ZBTB41: variants seen among roughly 807,000 people sequenced by gnomAD.
The protein encoded by ZBTB41 is zinc finger and BTB domain containing 41, also known as zinc finger and BTB domain-containing protein 41.
A neutral mutation model predicts 87.6 loss-of-function variants in ZBTB41; 42 were observed. That is an observed-to-expected ratio of 0.48 (90% CI 0.37 to 0.62). The LOEUF (loss-of-function observed/expected upper bound fraction) is 0.62, where lower values mean the gene tolerates loss of function less well. Among genes scored for constraint, ZBTB41 ranks in the 20% least tolerant of loss-of-function variants. The pLI, the probability that ZBTB41 is intolerant of heterozygous loss-of-function variation, is 0.00. For synonymous variants in ZBTB41, 364 were observed against 364.0 expected (o/e 1.00, Z 0.00); for missense variants, 799 against 1,078.9 (o/e 0.74, Z 3.63).
At chr1:197,171,818 G>C (rs186699857) in intron 10 of ZBTB41, among the ~76,000 whole-genome samples, 77 of 151,946 alleles carry the variant, frequency 5.1e-4, no homozygotes, top group Admixed American at 4.1e-3. Flanking sequence ...TAATCTGAAG[G>C]CTTAAGAAAA....
chr1:197,178,346 T>C, intron 7 of ZBTB41, 71 bp downstream of exon 7: 2 of 1,096,628 alleles, frequency 1.8e-6, no homozygotes, highest in Non-Finnish European at 2.6e-6. Flanking sequence ...AACAAAGTAA[T>C]AAGAAAATAG....
chr1:197,194,209 G>T (rs968152193), intron 2 of ZBTB41, among the ~76,000 whole-genome samples: 1 of 151,982 alleles, frequency 6.6e-6, no homozygotes, highest in African/African-American at 2.4e-5. Flanking sequence ...AGTAGACACG[G>T]GTTTCATCAT....
chr1:197,175,349 C>A (rs540724701), intron 8 of ZBTB41, among the ~76,000 whole-genome samples: 10 of 146,524 alleles, frequency 6.8e-5, no homozygotes, highest in Non-Finnish European at 1.5e-4. Context: ...GAATCAATAG[C>A]CTTTTGTTGA....
intron 6 of ZBTB41, 135 bp from the exon 7 acceptor site, chr1:197,178,647 G>C (rs961450947): frequency 5.3e-6 from 3 of 567,740 alleles, no homozygotes; most frequent in African/African-American, 3.9e-5. Context: ...CAATAATTTT[G>C]TTCTTTTCTA....
At position 197,191,675 on chromosome 1, in the gene ZBTB41, A is replaced by G; in HGVS notation, c.1328+17T>C. ...AAGGCACAATAAAGTATATTATGGAAGCAAGATAATACTTGCCTCTTAACA... is the reference window on the plus strand; with the variant it reads ...AAGGCACAATAAAGTATATTATGGAGGCAAGATAATACTTGCCTCTTAACA... On this transcript the variant is annotated intron_variant, in intron 3 of 10. Coordinates refer to ENST00000367405, the MANE Select transcript of ZBTB41 (RefSeq NM_194314.3). 1 of 1,596,100 alleles carries G rather than the reference A, an allele frequency of 6.3e-7. No individual in the cohort carries two copies. Among genetic ancestry groups the G allele is most frequent in the Non-Finnish European group, 8.5e-7 (1 of 1,169,604 alleles).
chr1:197,156,217 A>T lies in ZBTB41; in HGVS notation c.*3142T>A, dbSNP rs913525808. ...TCAAACTAACAACTTTTTTTTTTTAAAAAAATCCATTATTCTAGGACTTCA... is the reference window on the plus strand; with the variant it reads ...TCAAACTAACAACTTTTTTTTTTTATAAAAATCCATTATTCTAGGACTTCA... On this transcript the variant is annotated 3_prime_UTR_variant, in exon 11 of 11. Coordinates refer to ENST00000367405, the MANE Select transcript of ZBTB41 (RefSeq NM_194314.3). The T allele has an allele frequency of 1.3e-4, 19 of 151,162 alleles. No individual in the cohort carries two copies. Among genetic ancestry groups the T allele is most frequent in the African/African-American group, 4.2e-4 (17 of 40,774 alleles). The allele number at this position is 151,162 out of a possible 1,614,324, so 9.4% of individuals were successfully genotyped here.
rs969188917 is a variant in ZBTB41 at position 197,154,210 on chromosome 1, A to G, written c.*5149T>C. 7 of 152,588 alleles carry G rather than the reference A, an allele frequency of 4.6e-5. No individual in the cohort carries two copies. Among genetic ancestry groups the G allele is most frequent in the Non-Finnish European group, 1.0e-4 (7 of 67,978 alleles). 9.5% of individuals were successfully genotyped at this position (152,588 alleles called of 1,614,324 possible). The stretch of plus-strand genomic sequence containing the variant: ...AATACCAAGCAAAAAAATACGCAGT[A>G]ACAATGAGATGTGTACATCCTCTTC... On this transcript the variant is annotated 3_prime_UTR_variant, in exon 11 of 11. Transcript: ENST00000367405.
intron 10 of ZBTB41, among the ~76,000 whole-genome samples, chr1:197,166,514 G>A (rs779125227): frequency 2.6e-5 from 4 of 151,878 alleles, no homozygotes; most frequent in Non-Finnish European, 5.9e-5. Context: ...GCTCTTTAAC[G>A]GTCATACTAA....
At position 197,200,010 on chromosome 1, in the gene ZBTB41, A is replaced by G. The variant is rs1050692987; in HGVS notation, c.464T>C (p.Ile155Thr). The G allele has an allele frequency of 1.2e-6, 2 of 1,613,106 alleles. No homozygotes were observed. The highest frequency in any genetic ancestry group is 1.3e-5 in the African/African-American group (1 of 74,880). The change falls in exon 2 of 11, where the codon ATA (isoleucine) becomes ACA (threonine). Residue 155 changes from isoleucine to threonine, a missense_variant. Transcript: ENST00000367405. ...TTTTGCAGCCTCTAAAACAAGAGGTATTTCATATTTGTACACAAAAAATTC... is the reference window on the plus strand; with the variant it reads ...TTTTGCAGCCTCTAAAACAAGAGGTGTTTCATATTTGTACACAAAAAATTC... ...TSEFFVYKYE[I>T]PLVLEAAKFL... is the part of the protein sequence containing the mutation.
chr1:197,188,948 T>C (rs1659952541), intron 4 of ZBTB41, among the ~76,000 whole-genome samples: 1 of 152,200 alleles, frequency 6.6e-6, no homozygotes, highest in South Asian at 2.1e-4. Flanking sequence ...ACATATTATA[T>C]ATACCAGGCA....
At chr1:197,171,544 G>C (rs181624832) in intron 10 of ZBTB41, among the ~76,000 whole-genome samples, 2 of 152,042 alleles carry the variant, frequency 1.3e-5, no homozygotes, top group Admixed American at 1.3e-4. Flanking sequence ...GGCAAACAAG[G>C]ATTCAGACAA....
At chr1:197,172,852 G>A (rs1157747478) in intron 9 of ZBTB41, among the ~76,000 whole-genome samples, 3 of 152,008 alleles carry the variant, frequency 2.0e-5, no homozygotes, top group Non-Finnish European at 2.9e-5. Context: ...GCTCTCATCA[G>A]TTCATGTCCT....
At chr1:197,181,679 A>G (rs1372370988) in intron 5 of ZBTB41, among the ~76,000 whole-genome samples, 1 of 152,198 alleles carries the variant, frequency 6.6e-6, no homozygotes, top group Non-Finnish European at 1.5e-5. Flanking sequence ...TACAGCTCAA[A>G]GAAGCTATAT....
At chr1:197,177,713 C>G (rs1461509041) in intron 7 of ZBTB41, among the ~76,000 whole-genome samples, 1 of 152,028 alleles carries the variant, frequency 6.6e-6, no homozygotes, top group Non-Finnish European at 1.5e-5. Flanking sequence ...GAGCCTCTCT[C>G]TCTATATATA....
intron 2 of ZBTB41, among the ~76,000 whole-genome samples, chr1:197,194,122 G>A (rs567429578): frequency 3.3e-5 from 5 of 152,028 alleles, no homozygotes; most frequent in African/African-American, 7.2e-5. Flanking sequence ...GGGTTCAAGC[G>A]ATTCTCCTGA....
intron 10 of ZBTB41, among the ~76,000 whole-genome samples, chr1:197,163,726 A>T (rs907888816): frequency 2.6e-5 from 4 of 152,008 alleles, no homozygotes; most frequent in Non-Finnish European, 4.4e-5. Flanking sequence ...AATCTAAAAA[A>T]GTAGCCAATT....
intron 10 of ZBTB41, among the ~76,000 whole-genome samples, chr1:197,165,738 G>C (rs1659327488): frequency 6.6e-6 from 1 of 151,954 alleles, no homozygotes; most frequent in African/African-American, 2.4e-5. Flanking sequence ...TAACAACTTA[G>C]GCATCCCCAT....
At chr1:197,191,096 T>C (rs1489000501) in intron 3 of ZBTB41, among the ~76,000 whole-genome samples, 1 of 152,146 alleles carries the variant, frequency 6.6e-6, no homozygotes. Flanking sequence ...TAGAGTTAAA[T>C]ATATAATACT....
rs1304240820 is a variant in ZBTB41 at position 197,154,118 on chromosome 1, A to G, written c.*5241T>C. ...TATCAATAGGGATAAGAAGAGTTCA[A>G]TCGTTAGAAGGAATAAAAATTTTGT... On this transcript the variant is annotated 3_prime_UTR_variant, in exon 11 of 11. Coordinates refer to ENST00000367405, the MANE Select transcript of ZBTB41 (RefSeq NM_194314.3). 6.6e-6 allele frequency: 1 copy of G among 152,476 alleles called. No individual in the cohort carries two copies. Among genetic ancestry groups the G allele is most frequent in the African/African-American group, 2.4e-5 (1 of 41,346 alleles). The allele number at this position is 152,476 out of a possible 1,614,324, so 9.4% of individuals were successfully genotyped here.
Sources: allele counts gnomAD v4.1 joint callset (sites outside exome capture counted in the v4.1 genomes callset), GRCh38; gene constraint gnomAD v4.1.1; transcripts MANE v1.5; gene names NCBI Gene and HGNC (gene_info 2026-07-23, HGNC 2026-07-21).